Variants in KDM6A observed in about 807,000 individuals in gnomAD.
The protein encoded by KDM6A is lysine-specific demethylase 6A.
A neutral mutation model predicts 117.6 loss-of-function variants in KDM6A; 11 were observed. The ratio of observed to expected loss-of-function variants is 0.09; its 90% CI spans 0.06 to 0.15. The LOEUF (loss-of-function observed/expected upper bound fraction) is 0.15, where lower values mean the gene tolerates loss of function less well. KDM6A is among the 10% of genes least tolerant of loss of function. The probability of loss-of-function intolerance (pLI) is 1.00; values close to 1 mark genes in which losing one functional copy is unlikely to be tolerated. For missense variants in KDM6A, 799 were observed against 1,077.3 expected, an observed-to-expected ratio of 0.74 and a Z score of 3.62; for synonymous variants, 384 against 396.1, an observed-to-expected ratio of 0.97 and a Z score of 0.36.
intron 6 of KDM6A, 59 bp from the exon 7 acceptor site, chrX:45,034,872 A>G (rs2042741727): frequency 1.8e-5 from 17 of 942,848 alleles, no homozygotes; most frequent in Non-Finnish European, 2.6e-5. Flanking sequence ...AAAGTATCTT[A>G]AGATGCTTTT....
chrX:44,885,021 G>A (rs942150760), intron 2 of KDM6A, among the ~76,000 whole-genome samples: 2 of 108,584 alleles, frequency 1.8e-5, no homozygotes, highest in African/African-American at 3.4e-5. Flanking sequence ...CTAATCACCC[G>A]ACCTCATCAT....
intron 2 of KDM6A, among the ~76,000 whole-genome samples, chrX:44,928,161 T>C (rs1187549717): frequency 1.8e-5 from 2 of 112,328 alleles, no homozygotes; most frequent in South Asian, 3.6e-4. Context: ...AATTTTAATA[T>C]AGGCTACATA....
At chrX:45,070,605 A>AG (rs1378960256) in intron 18 of KDM6A, among the ~76,000 whole-genome samples, 1 of 110,751 alleles carries the variant, frequency 9.0e-6, no homozygotes, top group Non-Finnish European at 1.9e-5. Context: ...ACTGGTTACT[A>AG]GGTTGTCAGC....
At chrX:44,909,356 A>T (rs187096572) in intron 2 of KDM6A, among the ~76,000 whole-genome samples, 1 of 111,267 alleles carries the variant, frequency 9.0e-6, no homozygotes. Context: ...TTTGCTGTTG[A>T]TGTCTCCTAT....
intron 19 of KDM6A, among the ~76,000 whole-genome samples, chrX:45,077,031 TG>T (rs1266951700): frequency 9.0e-6 from 1 of 110,987 alleles, no homozygotes; most frequent in East Asian, 2.8e-4. Flanking sequence ...TTAACTGTGA[TG>T]ATATTAGAAT....
intron 4 of KDM6A, among the ~76,000 whole-genome samples, chrX:44,998,867 G>A (rs924187783): frequency 8.9e-6 from 1 of 111,944 alleles, no homozygotes; most frequent in African/African-American, 3.3e-5. Flanking sequence ...AATTGGCAAC[G>A]TTATAACAAC....
chrX:44,900,506 A>G (rs1440266496), intron 2 of KDM6A, among the ~76,000 whole-genome samples: 3 of 112,218 alleles, frequency 2.7e-5, no homozygotes, highest in African/African-American at 9.7e-5. Context: ...TACAATTTAT[A>G]GACTTTTTTT....
At chrX:45,089,978 A>G (rs1869442076) in intron 26 of KDM6A, 48 bp downstream of exon 26, 2 of 1,026,826 alleles carry the variant, frequency 1.9e-6, no homozygotes, top group African/African-American at 1.9e-5. Context: ...AAAGGATTAT[A>G]TCCAATAGGA....
intron 8 of KDM6A, among the ~76,000 whole-genome samples, chrX:45,040,667 G>A (rs1354868297): frequency 2.2e-4 from 16 of 73,204 alleles, no homozygotes; most frequent in South Asian, 8.6e-4. Context: ...CTGGCCGGGC[G>A]GGGGGCTGAC....
At chrX:44,942,323 A>T in intron 2 of KDM6A, among the ~76,000 whole-genome samples, 1 of 110,431 alleles carries the variant, frequency 9.1e-6, no homozygotes, top group Non-Finnish European at 1.9e-5. Flanking sequence ...ATGAGCCACC[A>T]TGCCTGGCTT....
intron 2 of KDM6A, among the ~76,000 whole-genome samples, chrX:44,941,702 T>G (rs976025594): frequency 1.8e-5 from 2 of 110,238 alleles, no homozygotes; most frequent in African/African-American, 6.6e-5. Context: ...CAGGATGATC[T>G]CCATCTCCTG....
At chrX:45,070,488 A>C in intron 18 of KDM6A, 131 bp downstream of exon 18, 1 of 606,255 alleles carries the variant, frequency 1.6e-6, no homozygotes, top group Non-Finnish European at 2.7e-6. Flanking sequence ...AGAGTTTGAC[A>C]GAAGCTTTAT....
chrX:45,092,383 G>A (rs561558771), intron 27 of KDM6A, among the ~76,000 whole-genome samples: 2 of 111,631 alleles, frequency 1.8e-5, no homozygotes, highest in Admixed American at 9.5e-5. Flanking sequence ...ACTTAATATA[G>A]TAATCTCATC....
chrX:45,077,479 A>G (rs989815645), intron 19 of KDM6A, among the ~76,000 whole-genome samples: 1 of 110,978 alleles, frequency 9.0e-6, no homozygotes, highest in Non-Finnish European at 1.9e-5. Context: ...TAGTATATGT[A>G]TAATGATCTT....
chrX:45,101,435 C>G (rs944912651), intron 27 of KDM6A, among the ~76,000 whole-genome samples: 2 of 110,874 alleles, frequency 1.8e-5, no homozygotes, highest in Non-Finnish European at 3.8e-5. Flanking sequence ...TATTCTTGGA[C>G]CTAGTGTAGT....
chrX:44,975,100 A>G (rs1224270912), intron 4 of KDM6A, among the ~76,000 whole-genome samples: 1 of 111,891 alleles, frequency 8.9e-6, no homozygotes, highest in African/African-American at 3.2e-5. Context: ...GTAATGGGAA[A>G]GTTATGATAA....
chrX:45,064,363 G>A (rs935005595), intron 17 of KDM6A, among the ~76,000 whole-genome samples: 1 of 111,256 alleles, frequency 9.0e-6, no homozygotes, highest in African/African-American at 3.3e-5. Context: ...TAGAAGATAG[G>A]TTATGAAGAG....
chrX:45,069,848 C>G lies in KDM6A; in HGVS notation c.2349C>G (p.Ser783Arg). The G allele has an allele frequency of 8.3e-7, 1 of 1,211,749 alleles. No homozygotes were observed. The highest frequency in any genetic ancestry group is 1.1e-6 in the Non-Finnish European group (1 of 895,434). The change falls in exon 18 of 30, where the codon AGC becomes AGG. Residue 783 changes from serine (S) to arginine (R), a missense_variant. This residue lies in a region of KDM6A where 301 missense variants were observed against 318.3 expected (regional missense o/e 0.95). Coordinates refer to ENST00000611820, the MANE Select transcript of KDM6A (RefSeq NM_001291415.2). ...SGNILTVPET[S>R]RHTGETPNST... ...ACATATTGACGGTGCCTGAAACAAG[C>G]AGGCACACTGGAGAGACACCTAACA...
intron 4 of KDM6A, among the ~76,000 whole-genome samples, chrX:44,986,661 A>G (rs1171021097): frequency 1.8e-5 from 2 of 111,364 alleles, no homozygotes; most frequent in Non-Finnish European, 3.8e-5. Context: ...CCTTCATTTC[A>G]TTATGTACCC....
Sources: gnomAD v4.1 joint callset for allele counts (sites outside exome capture counted in the v4.1 genomes callset) on GRCh38, gnomAD v4.1.1 for gene constraint, gnomAD v4.1.1 regional missense constraint, MANE v1.5 for transcripts, NCBI Gene and HGNC (gene_info 2026-07-23, HGNC 2026-07-21) for gene names.